ADAMTS14: variants seen among roughly 807,000 people sequenced by gnomAD.
ADAMTS14 encodes A disintegrin and metalloproteinase with thrombospondin motifs 14.
In ADAMTS14, 100 loss-of-function variants were observed where a neutral mutation model predicts 128.6. That is an observed-to-expected ratio of 0.78 (90% CI 0.66 to 0.92). The LOEUF (loss-of-function observed/expected upper bound fraction) is 0.92. Among genes scored for constraint, ADAMTS14 ranks in the 40% least tolerant of loss-of-function variants. The probability of loss-of-function intolerance (pLI) is 0.00; values close to 1 mark genes in which losing one functional copy is unlikely to be tolerated. For missense variants in ADAMTS14, 1,562 were observed against 1,658.6 expected (o/e 0.94, Z 1.01); for synonymous variants, 665 against 653.8 (o/e 1.02, Z -0.26).
intron 4 of ADAMTS14, among the ~76,000 whole-genome samples, chr10:70,718,705 A>T (rs1215447602): frequency 2.0e-5 from 3 of 146,752 alleles, no homozygotes; most frequent in Non-Finnish European, 4.5e-5. Flanking sequence ...TTTTAAAGAC[A>T]GTGTCTTGCT....
intron 2 of ADAMTS14, among the ~76,000 whole-genome samples, chr10:70,676,218 C>A (rs1839644284): frequency 6.6e-6 from 1 of 151,970 alleles, no homozygotes; most frequent in Admixed American, 6.6e-5. Flanking sequence ...CAGGGCACTG[C>A]AGCCTCGAAC....
intron 15 of ADAMTS14, among the ~76,000 whole-genome samples, chr10:70,748,646 C>T (rs1842257072): frequency 6.6e-6 from 1 of 152,234 alleles, no homozygotes; most frequent in Non-Finnish European, 1.5e-5. Flanking sequence ...TCCAATTCCC[C>T]ATCTGTATTA....
chr10:70,722,180 A>G (rs1841291452), intron 4 of ADAMTS14, among the ~76,000 whole-genome samples: 2 of 152,182 alleles, frequency 1.3e-5, no homozygotes, highest in African/African-American at 2.4e-5. Flanking sequence ...AATAGGATGC[A>G]GCATGTGTCT....
intron 3 of ADAMTS14, among the ~76,000 whole-genome samples, chr10:70,707,910 C>T (rs746005985): frequency 1.1e-4 from 16 of 152,156 alleles, no homozygotes; most frequent in African/African-American, 1.7e-4. Context: ...GTGGCAGAAT[C>T]GAATGGTTGT....
rs1370684396 is a variant in ADAMTS14 at position 70,760,746 on chromosome 10, T to C, written c.3565T>C (p.Trp1189Arg). Residue 1189 changes from tryptophan to arginine, a missense_variant, in exon 22 of 22, where the codon TGG (tryptophan) becomes CGG (arginine). Coordinates refer to ENST00000373207, the MANE Select transcript of ADAMTS14 (RefSeq NM_080722.4). ...CCCTACCACCCCCGGGGGGCTGCCTTGGGGCTGGACTCAGACACCTACGCC... is the reference window on the plus strand; with the variant it reads ...CCCTACCACCCCCGGGGGGCTGCCTCGGGGCTGGACTCAGACACCTACGCC... Reference protein sequence around the residue: ...ISPTTPGGLPWGWTQTPTPVP... With the variant: ...ISPTTPGGLPRGWTQTPTPVP... 1.2e-6 allele frequency: 2 copies of C among 1,613,796 alleles called. No individual in the cohort carries two copies. The highest frequency in any genetic ancestry group is 1.7e-6 in the Non-Finnish European group (2 of 1,179,956).
intron 6 of ADAMTS14, among the ~76,000 whole-genome samples, chr10:70,730,484 G>T (rs1051253111): frequency 1.3e-5 from 2 of 152,200 alleles, no homozygotes; most frequent in Non-Finnish European, 2.9e-5. Flanking sequence ...AGCTGTGAGT[G>T]GTCAGGCCCT....
intron 2 of ADAMTS14, among the ~76,000 whole-genome samples, chr10:70,684,487 G>C (rs1839899230): frequency 6.6e-6 from 1 of 152,220 alleles, no homozygotes. Flanking sequence ...ATGGTGCACA[G>C]AAACAAGAGG....
intron 2 of ADAMTS14, among the ~76,000 whole-genome samples, chr10:70,683,167 C>G (rs1247109684): frequency 6.6e-6 from 1 of 152,264 alleles, no homozygotes; most frequent in Non-Finnish European, 1.5e-5. Context: ...CACGTAGTCA[C>G]TCTCCGTGGG....
intron 3 of ADAMTS14, 29 bp downstream of exon 3, chr10:70,702,497 G>C (rs776039115): frequency 1.3e-5 from 20 of 1,574,040 alleles, no homozygotes; most frequent in Non-Finnish European, 1.6e-5. Context: ...CCTGTGTGCT[G>C]CTTCTCTCCC....
intron 4 of ADAMTS14, among the ~76,000 whole-genome samples, chr10:70,724,605 A>G (rs2132655230): frequency 6.6e-6 from 1 of 152,300 alleles, no homozygotes; most frequent in Non-Finnish European, 1.5e-5. Context: ...TCTACCAGAC[A>G]TGGCAGCCCT....
chr10:70,674,518 C>G, intron 1 of ADAMTS14, 38 bp from the exon 2 acceptor site: 1 of 1,581,450 alleles, frequency 6.3e-7, no homozygotes, highest in Non-Finnish European at 8.6e-7. Context: ...ACCTCTGAAC[C>G]GACTGCATTG....
intron 2 of ADAMTS14, among the ~76,000 whole-genome samples, chr10:70,684,049 G>A (rs1403859961): frequency 2.6e-5 from 4 of 151,958 alleles, no homozygotes; most frequent in South Asian, 2.1e-4. Flanking sequence ...GAAGCATAGC[G>A]GCTTCCACTA....
intron 4 of ADAMTS14, among the ~76,000 whole-genome samples, chr10:70,724,023 C>T (rs1435457902): frequency 2.0e-5 from 3 of 152,146 alleles, no homozygotes; most frequent in Non-Finnish European, 4.4e-5. Context: ...AATTCCTCTC[C>T]CCATAGGGTT....
chr10:70,727,493 A>C (rs1362601370), intron 4 of ADAMTS14, among the ~76,000 whole-genome samples: 1 of 152,228 alleles, frequency 6.6e-6, no homozygotes, highest in East Asian at 1.9e-4. Context: ...GGCAGGAGGC[A>C]GAGGCTGGGT....
chr10:70,738,761 T>G, intron 10 of ADAMTS14, 81 bp from the exon 11 acceptor site: 1 of 1,592,714 alleles, frequency 6.3e-7, no homozygotes, highest in Non-Finnish European at 8.6e-7. Context: ...GCTCATGCTC[T>G]TGCTATCCCT....
At chr10:70,742,852 C>T (rs773413978) in intron 12 of ADAMTS14, among the ~76,000 whole-genome samples, 4 of 152,180 alleles carry the variant, frequency 2.6e-5, no homozygotes, top group Non-Finnish European at 5.9e-5. Context: ...ATTGTTAGGA[C>T]CAGAAAGGAC....
At chr10:70,695,595 T>C (rs1215925729) in intron 2 of ADAMTS14, among the ~76,000 whole-genome samples, 1 of 152,206 alleles carries the variant, frequency 6.6e-6, no homozygotes, top group East Asian at 1.9e-4. Flanking sequence ...CCTAGATCAC[T>C]GAGCCTGTCC....
At chr10:70,753,647 C>T (rs1238801998) in intron 18 of ADAMTS14, among the ~76,000 whole-genome samples, 153 bp from the exon 19 acceptor site, 1 of 152,216 alleles carries the variant, frequency 6.6e-6, no homozygotes, top group East Asian at 1.9e-4. Context: ...CCAGTAGCTG[C>T]AGAGCCAGGT....
At chr10:70,706,073 T>A (rs936255825) in intron 3 of ADAMTS14, among the ~76,000 whole-genome samples, 1 of 151,812 alleles carries the variant, frequency 6.6e-6, no homozygotes, top group African/African-American at 2.4e-5. Context: ...CAGTGGCTGG[T>A]GGGCCCTGCT....
Sources: allele counts gnomAD v4.1 joint callset (sites outside exome capture counted in the v4.1 genomes callset), GRCh38; gene constraint gnomAD v4.1.1; transcripts MANE v1.5; gene names NCBI Gene and HGNC (gene_info 2026-07-23, HGNC 2026-07-21).